IQCM: variants seen among roughly 807,000 people sequenced by gnomAD.
IQCM encodes IQ motif containing M.
In IQCM, 45 loss-of-function variants were observed where a neutral mutation model predicts 57.6. The ratio of observed to expected loss-of-function variants is 0.78; its 90% confidence interval spans 0.62 to 1.00. IQCM has a LOEUF of 1.00. IQCM is among the 50% of genes least tolerant of loss of function. The pLI is 0.00. For missense variants in IQCM, 468 were observed against 511.6 expected, an observed-to-expected ratio of 0.91 and a Z score of 0.82; for synonymous variants, 148 against 158.9, an observed-to-expected ratio of 0.93 and a Z score of 0.51.
intron 2 of IQCM, among the ~76,000 whole-genome samples, chr4:149,802,368 G>T (rs934082430): frequency 6.6e-6 from 1 of 151,956 alleles, no homozygotes; most frequent in African/African-American, 2.4e-5. Context: ...GTCACTGGCT[G>T]TGTTGGCTCT....
intron 2 of IQCM, among the ~76,000 whole-genome samples, chr4:149,777,595 T>C (rs907520499): frequency 8.5e-5 from 13 of 152,196 alleles, no homozygotes; most frequent in Non-Finnish European, 1.8e-4. Flanking sequence ...TCATCTATTT[T>C]GCCTATAACA....
At chr4:149,677,751 A>G (rs909496678) in intron 7 of IQCM, among the ~76,000 whole-genome samples, 1 of 151,946 alleles carries the variant, frequency 6.6e-6, no homozygotes, top group Admixed American at 6.6e-5. Context: ...CAAAAATAGT[A>G]GTTTTAAAGA....
At chr4:149,528,084 C>T (rs2149844280) in intron 12 of IQCM, among the ~76,000 whole-genome samples, 1 of 151,622 alleles carries the variant, frequency 6.6e-6, no homozygotes, top group Non-Finnish European at 1.5e-5. Flanking sequence ...CTCCTGCGTT[C>T]AAGTGATTCT....
chr4:149,731,579 T>A, intron 5 of IQCM, among the ~76,000 whole-genome samples: 1 of 152,200 alleles, frequency 6.6e-6, no homozygotes, highest in South Asian at 2.1e-4. Context: ...CCTCAATATC[T>A]TATCATCTTC....
chr4:149,463,539 T>C (rs1295589496), intron 12 of IQCM, among the ~76,000 whole-genome samples: 1 of 152,160 alleles, frequency 6.6e-6, no homozygotes, highest in Non-Finnish European at 1.5e-5. Context: ...AAGATGAGTC[T>C]TTTCAAAATT....
chr4:149,668,779 T>C (rs1276124355), intron 7 of IQCM, among the ~76,000 whole-genome samples: 1 of 152,020 alleles, frequency 6.6e-6, no homozygotes, highest in African/African-American at 2.4e-5. Context: ...CAGGAAGAAA[T>C]ACCAGTACAT....
At chr4:149,578,908 A>G (rs1425161950) in intron 9 of IQCM, among the ~76,000 whole-genome samples, 1 of 151,840 alleles carries the variant, frequency 6.6e-6, no homozygotes. Flanking sequence ...CCTGGATTAG[A>G]GAGAGATGGG....
Position 149,612,630 on chromosome 4 carries a change from C to T in IQCM, c.681+8499G>A, listed in dbSNP as rs146803351. Among the ~76,000 whole-genome samples, 371 of 152,026 alleles carry T rather than the reference C, an allele frequency of 2.4e-3. 2 individuals carry two copies. The highest frequency in any genetic ancestry group is 4.0e-3 in the Non-Finnish European group (270 of 67,946). The stretch of plus-strand genomic sequence containing the variant: ...AAATTGTTTTAAAAAACAAAAAAAG[C>T]GGGTTTTTTTGGTAACTATGTAACT... On this transcript the variant is annotated intron_variant, in intron 8 of 13. Transcript: ENST00000636793.
chr4:149,556,225 T>C (rs949421783), intron 10 of IQCM, among the ~76,000 whole-genome samples: 8 of 152,170 alleles, frequency 5.3e-5, no homozygotes, highest in Admixed American at 2.6e-4. Context: ...AATGGACAAA[T>C]GTATTATACT....
chr4:149,477,259 T>C (rs746556549), intron 12 of IQCM, among the ~76,000 whole-genome samples: 6 of 152,152 alleles, frequency 3.9e-5, no homozygotes, highest in Non-Finnish European at 8.8e-5. Context: ...CTACTTTCTA[T>C]TGAAGCTATT....
intron 8 of IQCM, among the ~76,000 whole-genome samples, chr4:149,617,389 A>G (rs1448320923): frequency 6.6e-6 from 1 of 152,224 alleles, no homozygotes; most frequent in Non-Finnish European, 1.5e-5. Flanking sequence ...TTAGACTTCC[A>G]GTGGTGAAAA....
In IQCM at chr4:149,481,701, G is replaced by GTTTTTTTTTTTT. The variant is rs57465501; in HGVS notation, c.1229-48156_1229-48145dup. Reference sequence around the variant, plus strand: ...CATGTAATGTGATTCTTCCAGTTTTGTTTTTTTTTTTTTTTTTTTTTGCTT... The same window carrying GTTTTTTTTTTTT: ...CATGTAATGTGATTCTTCCAGTTTTGTTTTTTTTTTTTTTTTTTTTTTTTTTTTTTTTTGCTT... On this transcript the variant is annotated intron_variant, in intron 12 of 13. Coordinates refer to ENST00000636793, the MANE Select transcript of IQCM (RefSeq NM_001363507.2). Among the ~76,000 whole-genome samples, 55 of 51,582 alleles carry GTTTTTTTTTTTT rather than the reference G, an allele frequency of 1.1e-3. 1 individual carries two copies. The highest frequency in any genetic ancestry group is 2.9e-3 in the African/African-American group (39 of 13,230). 33.8% of individuals were successfully genotyped at this position (51,582 alleles called of 152,430 possible). A position where few individuals can be genotyped will look rare whatever the true frequency, so the allele number is the denominator to read the frequency against.
intron 13 of IQCM, among the ~76,000 whole-genome samples, chr4:149,368,783 T>TATATATATACATATATATACAC (rs1560778766): frequency 0.012 from 903 of 77,224 alleles, 282 homozygotes; most frequent in Admixed American, 0.029. Flanking sequence ...TATATATACA[T>TATATATATACATATATATACAC]GTATATATAT....
chr4:149,725,247 G>A (rs1765789221), intron 5 of IQCM, among the ~76,000 whole-genome samples: 1 of 152,060 alleles, frequency 6.6e-6, no homozygotes, highest in African/African-American at 2.4e-5. Flanking sequence ...TGGGCTGTCT[G>A]AGCAGAAACT....
At chr4:149,648,916 A>T (rs1214845386) in intron 7 of IQCM, among the ~76,000 whole-genome samples, 1 of 152,126 alleles carries the variant, frequency 6.6e-6, no homozygotes, top group African/African-American at 2.4e-5. Flanking sequence ...GAAAAAAAAG[A>T]ATACAAAAAT....
chr4:149,787,079 C>A (rs999230359), intron 2 of IQCM, among the ~76,000 whole-genome samples: 5 of 152,154 alleles, frequency 3.3e-5, no homozygotes, highest in Non-Finnish European at 5.9e-5. Context: ...AACACAGGAA[C>A]GGAAAACCAA....
intron 7 of IQCM, among the ~76,000 whole-genome samples, chr4:149,644,997 A>G (rs2150122346): frequency 6.6e-6 from 1 of 152,330 alleles, no homozygotes; most frequent in East Asian, 1.9e-4. Context: ...TGGTGGTTAT[A>G]GACTGGACTC....
At chr4:149,542,582 C>G (rs1747959899) in intron 12 of IQCM, among the ~76,000 whole-genome samples, 1 of 152,014 alleles carries the variant, frequency 6.6e-6, no homozygotes, top group South Asian at 2.1e-4. Flanking sequence ...AGCATATCCC[C>G]TCCTCTAGCA....
intron 7 of IQCM, among the ~76,000 whole-genome samples, chr4:149,665,255 A>C (rs1208609511): frequency 6.6e-6 from 1 of 152,032 alleles, no homozygotes; most frequent in Non-Finnish European, 1.5e-5. Context: ...AGCAGCACAA[A>C]CTCCTAGCAA....
Sources: gnomAD v4.1 joint callset for allele counts (sites outside exome capture counted in the v4.1 genomes callset) on GRCh38, gnomAD v4.1.1 for gene constraint, MANE v1.5 for transcripts, NCBI Gene and HGNC (gene_info 2026-07-23, HGNC 2026-07-21) for gene names.